Variants in MYO3A observed in about 807,000 individuals in gnomAD.
MYO3A encodes the protein myosin IIIA.
Under a neutral mutation model 192.7 loss-of-function variants are expected in MYO3A, and 180 were observed. The observed-to-expected ratio is 0.93, with a 90% CI of 0.83 to 1.06. MYO3A has a LOEUF of 1.06. Ranked by LOEUF, MYO3A falls within the 50% of genes least tolerant of loss-of-function variation. MYO3A has a pLI of 0.00. For synonymous variants in MYO3A, 628 were observed against 645.3 expected (o/e 0.97, Z 0.41); for missense variants, 1,896 against 1,905.0 (o/e 1.00, Z 0.09).
intron 2 of MYO3A, among the ~76,000 whole-genome samples, chr10:25,939,627 G>A (rs912607598): frequency 6.6e-6 from 1 of 151,696 alleles, no homozygotes; most frequent in South Asian, 2.1e-4. Flanking sequence ...TAACAATGTA[G>A]CTTGCAGTAG....
intron 14 of MYO3A, among the ~76,000 whole-genome samples, chr10:26,081,193 G>A (rs750006352): frequency 1.0e-4 from 15 of 149,584 alleles, no homozygotes; most frequent in Admixed American, 4.6e-4. Flanking sequence ...GCGGGGGCAG[G>A]GCCAGGTGTG....
intron 17 of MYO3A, among the ~76,000 whole-genome samples, chr10:26,103,901 G>T (rs1159565844): frequency 1.3e-5 from 2 of 152,136 alleles, no homozygotes; most frequent in Non-Finnish European, 2.9e-5. Flanking sequence ...ATGTGAAGTG[G>T]TATCACATGA....
At chr10:25,959,312 T>C (rs1837768584) in intron 4 of MYO3A, among the ~76,000 whole-genome samples, 1 of 152,172 alleles carries the variant, frequency 6.6e-6, no homozygotes, top group Non-Finnish European at 1.5e-5. Context: ...TAATCATTGT[T>C]ATGTTTTTCA....
intron 10 of MYO3A, among the ~76,000 whole-genome samples, chr10:26,029,219 T>C (rs535000121): frequency 6.6e-6 from 1 of 152,330 alleles, no homozygotes; most frequent in African/African-American, 2.4e-5. Flanking sequence ...CTCAACACTT[T>C]CTGATTCTGA....
intron 26 of MYO3A, among the ~76,000 whole-genome samples, chr10:26,163,156 G>GT (rs1841563436): frequency 6.6e-6 from 1 of 152,186 alleles, no homozygotes; most frequent in Non-Finnish European, 1.5e-5. Flanking sequence ...GAGCTTGCAT[G>GT]GTAGTCATCA....
At chr10:25,948,842 T>C (rs970415369) in intron 2 of MYO3A, among the ~76,000 whole-genome samples, 1 of 152,182 alleles carries the variant, frequency 6.6e-6, no homozygotes, top group African/African-American at 2.4e-5. Context: ...ATTTGCTTTA[T>C]ATGGAACATG....
intron 14 of MYO3A, among the ~76,000 whole-genome samples, chr10:26,075,677 ATG>A (rs1835503093): frequency 6.9e-6 from 1 of 144,722 alleles, no homozygotes; most frequent in South Asian, 2.1e-4. Flanking sequence ...TGATATATAT[ATG>A]TCTCTCTCAT....
At chr10:26,003,956 T>C (rs1020143549) in intron 6 of MYO3A, among the ~76,000 whole-genome samples, 1 of 152,196 alleles carries the variant, frequency 6.6e-6, no homozygotes, top group Non-Finnish European at 1.5e-5. Flanking sequence ...ATTTGTTTAT[T>C]AATAACCCAC....
intron 10 of MYO3A, among the ~76,000 whole-genome samples, chr10:26,030,286 G>A (rs1842746062): frequency 6.6e-6 from 1 of 151,822 alleles, no homozygotes; most frequent in Non-Finnish European, 1.5e-5. Flanking sequence ...CGTCTCTAAT[G>A]CTCATCTTGT....
chr10:26,165,813 G>A (rs1841712845), intron 26 of MYO3A: 2 of 566,362 alleles, frequency 3.5e-6, no homozygotes, highest in African/African-American at 1.9e-5. Flanking sequence ...TGTCAGGGGA[G>A]TGCAGTATTA....
chr10:25,976,783 C>G (rs1260852842), intron 4 of MYO3A, among the ~76,000 whole-genome samples: 1 of 152,032 alleles, frequency 6.6e-6, no homozygotes, highest in African/African-American at 2.4e-5. Context: ...AATTATTTTT[C>G]AGTCTACTAT....
chr10:25,958,384 A>G (rs1359081195), intron 4 of MYO3A, among the ~76,000 whole-genome samples: 2 of 152,126 alleles, frequency 1.3e-5, no homozygotes, highest in East Asian at 3.8e-4. Context: ...CAGCTTTGTC[A>G]AAGTTCAGAT....
chr10:26,065,274 A>G (rs563131323), intron 10 of MYO3A, among the ~76,000 whole-genome samples: 1 of 152,312 alleles, frequency 6.6e-6, no homozygotes, highest in African/African-American at 2.4e-5. Context: ...CAGAGTGTCA[A>G]GATGAAAGCC....
intron 8 of MYO3A, chr10:26,022,545 C>A (rs1842360209): frequency 6.6e-6 from 1 of 152,040 alleles, no homozygotes. Flanking sequence ...AATTATAATA[C>A]CTTGGCTATA....
chr10:26,191,361 A>C (rs1374176112), intron 31 of MYO3A, among the ~76,000 whole-genome samples: 1 of 152,196 alleles, frequency 6.6e-6, no homozygotes, highest in Non-Finnish European at 1.5e-5. Context: ...GAAATGGCTC[A>C]GATATTTGGA....
intron 6 of MYO3A, among the ~76,000 whole-genome samples, chr10:26,001,302 A>C (rs920761834): frequency 6.6e-5 from 10 of 152,182 alleles, no homozygotes; most frequent in African/African-American, 2.4e-4. Context: ...CCAAACCCTT[A>C]GCTTTAGTTT....
chr10:26,068,279 G>T (rs1834976074), intron 11 of MYO3A, among the ~76,000 whole-genome samples: 1 of 151,940 alleles, frequency 6.6e-6, no homozygotes, highest in Non-Finnish European at 1.5e-5. Flanking sequence ...TTACTCAAAT[G>T]ACTTATCAAC....
At chr10:25,994,144 G>C (rs576054888) in intron 4 of MYO3A, among the ~76,000 whole-genome samples, 1,997 of 152,240 alleles carry the variant, frequency 0.013, 44 homozygotes, top group African/African-American at 0.044. Flanking sequence ...TTGTGTGGGA[G>C]TCTAAGTCTC....
chr10:26,114,716 T>C (rs1445235518), intron 17 of MYO3A, among the ~76,000 whole-genome samples: 4 of 152,182 alleles, frequency 2.6e-5, no homozygotes, highest in African/African-American at 7.2e-5. Context: ...AAGAAAACAG[T>C]TTGACAAGCA....
Sources: gnomAD v4.1 joint callset for allele counts (sites outside exome capture counted in the v4.1 genomes callset) on GRCh38, gnomAD v4.1.1 for gene constraint, MANE v1.5 for transcripts, NCBI Gene and HGNC (gene_info 2026-07-23, HGNC 2026-07-21) for gene names.